Variants in CCDC7 observed in about 807,000 individuals in gnomAD.
The protein encoded by CCDC7 is coiled-coil domain containing 7, also known as coiled-coil domain-containing protein 7.
A neutral mutation model predicts 196.9 loss-of-function variants in CCDC7; 183 were observed. The ratio of observed to expected loss-of-function variants is 0.93; its 90% CI spans 0.82 to 1.05. CCDC7 has a LOEUF of 1.05. CCDC7 is among the 50% of genes least tolerant of loss of function. CCDC7 has a pLI of 0.00. For missense variants in CCDC7, 1,540 were observed against 1,482.2 expected (o/e 1.04, Z -0.64); for synonymous variants, 525 against 484.6 (o/e 1.08, Z -1.10).
At chr10:32,724,896 A>C (rs941167463) in intron 25 of CCDC7, among the ~76,000 whole-genome samples, 1 of 152,118 alleles carries the variant, frequency 6.6e-6, no homozygotes, top group Non-Finnish European at 1.5e-5. Context: ...TGTATGTTAC[A>C]TCCAGTGTGG....
intron 29 of CCDC7, among the ~76,000 whole-genome samples, chr10:32,798,998 C>T (rs1272676142): frequency 6.6e-6 from 1 of 152,158 alleles, no homozygotes; most frequent in Non-Finnish European, 1.5e-5. Context: ...GCCACTTCCT[C>T]ATGTAACTTA....
At chr10:32,854,615 T>C (rs1384227921) in intron 41 of CCDC7, 126 bp downstream of exon 42, 1 of 599,158 alleles carries the variant, frequency 1.7e-6, no homozygotes, top group Non-Finnish European at 2.9e-6. Context: ...GGGTGAGGCA[T>C]GGTTTCCCAA....
intron 28 of CCDC7, among the ~76,000 whole-genome samples, chr10:32,735,189 G>A (rs1481787666): frequency 6.6e-6 from 1 of 152,122 alleles, no homozygotes. Context: ...AACTTTTGTA[G>A]GGACATATAT....
chr10:32,469,677 T>C (rs2037556195), intron 5 of CCDC7, among the ~76,000 whole-genome samples: 1 of 152,168 alleles, frequency 6.6e-6, no homozygotes, highest in South Asian at 2.1e-4. Flanking sequence ...AAGCTGCCCA[T>C]AGGAATCTGC....
At chr10:32,833,871 C>T (rs1422112883) in intron 32 of CCDC7, among the ~76,000 whole-genome samples, 2 of 152,088 alleles carry the variant, frequency 1.3e-5, no homozygotes, top group Admixed American at 6.6e-5. Context: ...AGCAAAACTT[C>T]TACTCTATGA....
intron 9 of CCDC7, among the ~76,000 whole-genome samples, chr10:32,506,715 G>A (rs1259711737): frequency 6.6e-6 from 1 of 152,092 alleles, no homozygotes; most frequent in African/African-American, 2.4e-5. Context: ...AGTCAGTAGT[G>A]GCGGTGTGTG....
At chr10:32,845,577 A>C in exon 35 of CCDC7, 1 of 1,612,738 alleles carries the variant, frequency 6.2e-7, no homozygotes. Context: ...ATGCTACTGG[A>C]AGAGGTCTAA....
intron 41 of CCDC7, among the ~76,000 whole-genome samples, chr10:32,856,132 A>G (rs2093744286): frequency 6.6e-6 from 1 of 152,188 alleles, no homozygotes; most frequent in Non-Finnish European, 1.5e-5. Context: ...CTTAGAAGAA[A>G]ACATAGGAGA....
At chr10:32,798,666 A>G (rs77534996) in intron 29 of CCDC7, among the ~76,000 whole-genome samples, 12,620 of 152,292 alleles carry the variant, frequency 0.083, 570 homozygotes, top group East Asian at 0.16. Context: ...TATTGGCTAC[A>G]GCCCATGAAT....
intron 11 of CCDC7, among the ~76,000 whole-genome samples, chr10:32,541,625 A>T (rs182455494): frequency 8.7e-4 from 133 of 152,348 alleles, no homozygotes; most frequent in African/African-American, 3.2e-3. Context: ...TAAATCATAC[A>T]GCTCCCAGGC....
intron 18 of CCDC7, among the ~76,000 whole-genome samples, chr10:32,611,284 T>G (rs2062101067): frequency 6.6e-6 from 1 of 152,256 alleles, no homozygotes; most frequent in Admixed American, 6.5e-5. Context: ...TTTTTTCTTG[T>G]AAATTTGTTT....
intron 20 of CCDC7, among the ~76,000 whole-genome samples, chr10:32,650,929 T>A (rs1028849616): frequency 2.0e-5 from 3 of 152,182 alleles, no homozygotes; most frequent in African/African-American, 7.2e-5. Context: ...TGGGAGGGGC[T>A]GGCAGGCAGG....
intron 2 of CCDC7, 149 bp from the exon 4 acceptor site, chr10:32,456,102 A>G: frequency 1.4e-6 from 1 of 709,348 alleles, no homozygotes. Flanking sequence ...CTAGTATGGC[A>G]TTTGAAGCAT....
At chr10:32,562,473 C>A (rs1278077318) in intron 13 of CCDC7, among the ~76,000 whole-genome samples, 1 of 152,122 alleles carries the variant, frequency 6.6e-6, no homozygotes, top group African/African-American at 2.4e-5. Flanking sequence ...TGGCTTCATC[C>A]CTGGGATGCA....
intron 3 of CCDC7, among the ~76,000 whole-genome samples, chr10:32,459,646 A>ATTTTT (rs60002951): frequency 0.04 from 2,714 of 68,506 alleles, 476 homozygotes; most frequent in East Asian, 0.069. Context: ...CCTGCTGCAC[A>ATTTTT]TTTTTTTTTT....
chr10:32,850,804 C>T (rs912109569), intron 39 of CCDC7, among the ~76,000 whole-genome samples: 1 of 104,716 alleles, frequency 9.5e-6, no homozygotes, highest in South Asian at 3.1e-4. Context: ...CACACACACA[C>T]ACACACACAC....
chr10:32,654,687 T>G (rs2069437270), intron 20 of CCDC7, among the ~76,000 whole-genome samples: 1 of 152,216 alleles, frequency 6.6e-6, no homozygotes, highest in Admixed American at 6.5e-5. Context: ...ATGCTTTCAA[T>G]GCTGAGGTAA....
At chr10:32,510,524 C>G (rs1052628531) in intron 9 of CCDC7, among the ~76,000 whole-genome samples, 2 of 152,154 alleles carry the variant, frequency 1.3e-5, no homozygotes, top group African/African-American at 4.8e-5. Flanking sequence ...ATGAGGATCT[C>G]TTTGTGGCCT....
At chr10:32,447,583 C>T (rs2031691013), upstream of CCDC7, among the ~76,000 whole-genome samples, 1 of 152,038 alleles carries the variant, frequency 6.6e-6, no homozygotes, top group African/African-American at 2.4e-5. Context: ...CTGAAAGCAT[C>T]GTGTCACAAT....
Sources: gnomAD v4.1 joint callset for allele counts (sites outside exome capture counted in the v4.1 genomes callset) on GRCh38, gnomAD v4.1.1 for gene constraint, MANE v1.5 for transcripts, NCBI Gene and HGNC (gene_info 2026-07-23, HGNC 2026-07-21) for gene names.